Variants in DCDC1 observed in about 807,000 individuals in gnomAD.
The protein encoded by DCDC1 is doublecortin domain containing 1.
A neutral mutation model predicts 178.3 loss-of-function variants in DCDC1; 200 were observed. The ratio of observed to expected loss-of-function variants is 1.12; its 90% CI spans 1.00 to 1.26. The LOEUF (loss-of-function observed/expected upper bound fraction) is 1.26, where lower values mean the gene tolerates loss of function less well. Ranked by LOEUF, DCDC1 falls within the 50% of genes most tolerant of loss-of-function variation. The pLI, the probability that DCDC1 is intolerant of heterozygous loss-of-function variation, is 0.00. For missense variants in DCDC1, 1,983 were observed against 1,749.2 expected (o/e 1.13, Z -2.38); for synonymous variants, 690 against 604.8 (o/e 1.14, Z -2.07).
chr11:31,107,810 T>C (rs761287214), intron 12 of DCDC1, among the ~76,000 whole-genome samples: 1 of 152,194 alleles, frequency 6.6e-6, no homozygotes, highest in African/African-American at 2.4e-5. Context: ...TCCATCACTC[T>C]TCCCCCAGCC....
chr11:30,977,179 G>A (rs543569718), intron 20 of DCDC1, among the ~76,000 whole-genome samples: 1 of 152,120 alleles, frequency 6.6e-6, no homozygotes, highest in Non-Finnish European at 1.5e-5. Context: ...TGGAAAAGGT[G>A]TGTGGTTGGG....
chr11:31,341,112 G>C (rs1293132127), intron 1 of DCDC1, among the ~76,000 whole-genome samples: 1 of 152,112 alleles, frequency 6.6e-6, no homozygotes, highest in Non-Finnish European at 1.5e-5. Context: ...TAGTAGGGAG[G>C]AGTTTTTCTG....
intron 11 of DCDC1, among the ~76,000 whole-genome samples, chr11:31,118,058 A>G (rs1319134845): frequency 6.6e-6 from 1 of 152,168 alleles, no homozygotes; most frequent in Non-Finnish European, 1.5e-5. Flanking sequence ...ATAGAAAGTC[A>G]GTGTTTTTTT....
chr11:30,977,896 C>T (rs925048830), intron 20 of DCDC1, among the ~76,000 whole-genome samples: 1 of 152,186 alleles, frequency 6.6e-6, no homozygotes, highest in Non-Finnish European at 1.5e-5. Flanking sequence ...TGCCACTGCA[C>T]TCCACCTTGG....
In DCDC1 at chr11:31,072,819, C is replaced by T. The variant is rs768280259; in HGVS notation, c.2298+5046G>A. Among the ~76,000 whole-genome samples, 41 of 152,064 alleles carry T rather than the reference C, an allele frequency of 2.7e-4. 1 individual carries two copies. Among genetic ancestry groups the T allele is most frequent in the Non-Finnish European group, 1.8e-4 (12 of 67,958 alleles). ...CAAATTATCAATTTGCTGTTAAAGGCCAGGATCTGTGCCAAATACTTAAAA... is the reference window on the plus strand; with the variant it reads ...CAAATTATCAATTTGCTGTTAAAGGTCAGGATCTGTGCCAAATACTTAAAA... On this transcript the variant is annotated intron_variant, in intron 18 of 38. Transcript: ENST00000684477.
At chr11:30,997,009 G>C (rs1256732938) in intron 20 of DCDC1, among the ~76,000 whole-genome samples, 5 of 152,130 alleles carry the variant, frequency 3.3e-5, no homozygotes, top group Admixed American at 1.3e-4. Flanking sequence ...ACAATATAAA[G>C]GAATGAGCTG....
intron 32 of DCDC1, among the ~76,000 whole-genome samples, chr11:30,902,177 G>A (rs572745626): frequency 6.6e-6 from 1 of 152,232 alleles, no homozygotes; most frequent in African/African-American, 2.4e-5. Flanking sequence ...ATGAGAGATA[G>A]AGACTTTAAG....
At chr11:31,104,806 G>C (rs1262036967) in intron 13 of DCDC1, among the ~76,000 whole-genome samples, 1 of 151,946 alleles carries the variant, frequency 6.6e-6, no homozygotes, top group Non-Finnish European at 1.5e-5. Flanking sequence ...ATATATAACA[G>C]GTAAAACAAA....
At chr11:31,101,375 A>C (rs2135731344) in intron 15 of DCDC1, among the ~76,000 whole-genome samples, 1 of 152,314 alleles carries the variant, frequency 6.6e-6, no homozygotes, top group South Asian at 2.1e-4. Context: ...GGAAAAAAAA[A>C]AACATCTTCT....
At chr11:31,082,736 C>T (rs1341576702) in intron 17 of DCDC1, among the ~76,000 whole-genome samples, 1 of 152,042 alleles carries the variant, frequency 6.6e-6, no homozygotes, top group East Asian at 1.9e-4. Context: ...TTTATACACT[C>T]ACACATTCAT....
chr11:31,180,342 T>C (rs1968619109), intron 9 of DCDC1, among the ~76,000 whole-genome samples: 1 of 152,204 alleles, frequency 6.6e-6, no homozygotes, highest in Admixed American at 6.5e-5. Flanking sequence ...GGATTTATTA[T>C]CAAACTACCC....
intron 32 of DCDC1, among the ~76,000 whole-genome samples, chr11:30,901,215 G>A (rs897591179): frequency 5.9e-5 from 9 of 152,126 alleles, no homozygotes; most frequent in East Asian, 1.9e-4. Flanking sequence ...GAGCCTATTC[G>A]TGATATAGCT....
intron 1 of DCDC1, among the ~76,000 whole-genome samples, chr11:31,359,311 A>G (rs954538096): frequency 1.3e-5 from 2 of 152,006 alleles, no homozygotes; most frequent in Admixed American, 6.5e-5. Context: ...GGAAATCATC[A>G]TTCTCGGTAA....
At chr11:31,324,300 T>G (rs1028727608) in intron 3 of DCDC1, among the ~76,000 whole-genome samples, 1 of 151,448 alleles carries the variant, frequency 6.6e-6, no homozygotes, top group African/African-American at 2.4e-5. Flanking sequence ...CATAAATCAT[T>G]CCACCCAAAG....
At chr11:31,077,294 T>G (rs1419309746) in intron 18 of DCDC1, among the ~76,000 whole-genome samples, 1 of 152,192 alleles carries the variant, frequency 6.6e-6, no homozygotes, top group African/African-American at 2.4e-5. Context: ...TTATCCAGTG[T>G]GTGGGTCTTT....
intron 31 of DCDC1, chr11:30,904,619 A>C (rs1298756169): frequency 3.5e-6 from 1 of 282,090 alleles, no homozygotes; most frequent in Non-Finnish European, 6.8e-6. Context: ...CAGATGACAT[A>C]CAACTTGAAG....
chr11:30,895,701 T>C (rs931286457), intron 34 of DCDC1, among the ~76,000 whole-genome samples: 3 of 152,192 alleles, frequency 2.0e-5, no homozygotes, highest in Non-Finnish European at 2.9e-5. Context: ...GAAGAAAACA[T>C]AATTGAATCA....
chr11:30,932,526 C>CAT (rs1375418576), intron 21 of DCDC1, among the ~76,000 whole-genome samples: 4 of 151,802 alleles, frequency 2.6e-5, no homozygotes, highest in African/African-American at 7.3e-5. Flanking sequence ...GAATGTTTAC[C>CAT]ATATATTCTA....
chr11:30,923,170 A>G (rs1185261722), intron 23 of DCDC1, among the ~76,000 whole-genome samples: 1 of 152,192 alleles, frequency 6.6e-6, no homozygotes, highest in East Asian at 1.9e-4. Context: ...ATTAGAACAC[A>G]GCTATTCCCA....
Sources: gnomAD v4.1 joint callset for allele counts (sites outside exome capture counted in the v4.1 genomes callset) on GRCh38, gnomAD v4.1.1 for gene constraint, MANE v1.5 for transcripts, NCBI Gene and HGNC (gene_info 2026-07-23, HGNC 2026-07-21) for gene names.